The following TBC1D16 variants were observed in gnomAD, a reference collection of about 807,000 sequenced individuals.
The protein encoded by TBC1D16 is CTD-2529O21.1.
TBC1D16 carries 58 observed loss-of-function variants against 74.7 expected under a neutral mutation model. The ratio of observed to expected loss-of-function variants is 0.78; its 90% CI spans 0.63 to 0.97. The LOEUF is 0.97. Among genes scored for constraint, TBC1D16 ranks in the 50% least tolerant of loss-of-function variants. The pLI is 0.00. For synonymous variants in TBC1D16, 493 were observed against 474.7 expected, an observed-to-expected ratio of 1.04 and a Z score of -0.50; for missense variants, 1,014 against 1,079.5, an observed-to-expected ratio of 0.94 and a Z score of 0.85.
chr17:79,981,864 G>A lies in TBC1D16; in HGVS notation c.779+28296C>T, dbSNP rs2034596624. ...ACCTCAATCCCACTCCTCCAAGGGC[G>A]CGCCAGGGAACAGCAGGACGCGGCC... On this transcript the variant is annotated intron_variant, in intron 3 of 11. Transcript: ENST00000310924. The surrounding 1 kb of genome is among the most constrained non-coding windows in gnomAD (Gnocchi z 6.9). Among the ~76,000 whole-genome samples the A allele has an allele frequency of 6.6e-6, 1 of 152,234 alleles. No individual in the cohort carries two copies.
chr17:79,981,256 C>T lies in TBC1D16; in HGVS notation c.780-28438G>A, dbSNP rs934552567. Among the ~76,000 whole-genome samples the T allele has an allele frequency of 5.9e-5, 9 of 152,180 alleles. No homozygotes were observed. Among genetic ancestry groups the T allele is most frequent in the Non-Finnish European group, 1.5e-5 (1 of 68,042 alleles). On this transcript the variant is annotated intron_variant, in intron 3 of 11. Transcript: ENST00000310924. The surrounding 1 kb of genome is among the most constrained non-coding windows in gnomAD (Gnocchi z 6.9). ...TTCCGCACCAATGCACTGCTTGGCC[C>T]GGCTCAGAGGATTTGACGCAAACCA...
In TBC1D16 at chr17:80,035,249, T is replaced by C. The variant is rs201602128; in HGVS notation, c.-63+546A>G. Among the ~76,000 whole-genome samples the C allele has an allele frequency of 3.4e-4, 41 of 119,454 alleles. No individual in the cohort carries two copies. Among genetic ancestry groups the C allele is most frequent in the East Asian group, 1.4e-3 (6 of 4,200 alleles). 78.4% of individuals were successfully genotyped at this position (119,454 alleles called of 152,430 possible). On this transcript the variant is annotated intron_variant, in intron 1 of 11. Coordinates refer to ENST00000310924, the MANE Select transcript of TBC1D16 (RefSeq NM_019020.4). The surrounding 1 kb of genome is among the most constrained non-coding windows in gnomAD (Gnocchi z 5.3). ...TTCTTTCTTTTTCTTTTTTTTTTTT[T>C]CCCAAAGGAAAGAACAAGGGAGCCC...
intron 5 of TBC1D16, among the ~76,000 whole-genome samples, chr17:79,951,052 A>G (rs559876107): frequency 2.6e-5 from 4 of 152,298 alleles, no homozygotes; most frequent in East Asian, 1.9e-4. Context: ...ATGTAGGGGG[A>G]AAAAAAGCCA....
At chr17:79,978,565 G>A (rs1335367838) in intron 3 of TBC1D16, among the ~76,000 whole-genome samples, 1 of 152,218 alleles carries the variant, frequency 6.6e-6, no homozygotes, top group Non-Finnish European at 1.5e-5. Flanking sequence ...GTCATATGGA[G>A]TGACCTTGTG....
Position 79,979,534 on chromosome 17 carries a change from G to A in TBC1D16, c.780-26716C>T, listed in dbSNP as rs887512218. ...AAGACGTCCCTGTGTCATCTCTGCAGGACCAAACAGTCAATTAGTATCCAA... is the reference window on the plus strand; with the variant it reads ...AAGACGTCCCTGTGTCATCTCTGCAAGACCAAACAGTCAATTAGTATCCAA... On this transcript the variant is annotated intron_variant, in intron 3 of 11. Transcript: ENST00000310924. The surrounding 1 kb of genome is among the most constrained non-coding windows in gnomAD (Gnocchi z 4.8). 6.6e-6 allele frequency among the ~76,000 whole-genome samples: 1 copy of A among 152,174 alleles called. No individual in the cohort carries two copies. Among genetic ancestry groups the A allele is most frequent in the South Asian group, 2.1e-4 (1 of 4,828 alleles).
At chr17:79,976,936 C>A (rs970229456) in intron 3 of TBC1D16, among the ~76,000 whole-genome samples, 1 of 152,198 alleles carries the variant, frequency 6.6e-6, no homozygotes, top group Non-Finnish European at 1.5e-5. Context: ...GCCTGCCCTG[C>A]AGAAGGCTAC....
chr17:80,013,316 G>A (rs749422153), intron 2 of TBC1D16, 51 bp downstream of exon 2: 113 of 1,529,760 alleles, frequency 7.4e-5, no homozygotes, highest in Middle Eastern at 2.2e-4. Flanking sequence ...GCCCTGGCTC[G>A]GAAAATAACC....
chr17:79,969,748 C>A (rs1425653451), intron 3 of TBC1D16, among the ~76,000 whole-genome samples: 1 of 152,088 alleles, frequency 6.6e-6, no homozygotes, highest in Non-Finnish European at 1.5e-5. Context: ...TCGAGACCAG[C>A]CTGCCCAATA....
intron 3 of TBC1D16, among the ~76,000 whole-genome samples, chr17:79,959,140 T>G (rs138773574): frequency 6.6e-4 from 100 of 152,246 alleles, no homozygotes; most frequent in African/African-American, 2.2e-3. Context: ...AACATTAAAT[T>G]TATAGTAGCA....
At position 79,990,074 on chromosome 17, in the gene TBC1D16, A is replaced by T. The variant is rs1167388133; in HGVS notation, c.779+20086T>A. On this transcript the variant is annotated intron_variant, in intron 3 of 11. Transcript: ENST00000310924. The surrounding 1 kb of genome is among the most constrained non-coding windows in gnomAD (Gnocchi z 4.8). ...TAGGTAAAGTGTTACTTCCTGATCT[A>T]ATCTTGCCAGGCTCTGGAAGCTTCC... 6.6e-6 allele frequency among the ~76,000 whole-genome samples: 1 copy of T among 152,184 alleles called. No individual in the cohort carries two copies. The highest frequency in any genetic ancestry group is 1.5e-5 in the Non-Finnish European group (1 of 68,014).
rs71163906 is a variant in TBC1D16, at chr17:79,999,533, C to CTTT, written c.779+10624_779+10626dup. Among the ~76,000 whole-genome samples the CTTT allele has an allele frequency of 3.5e-3, 266 of 76,494 alleles. 25 individuals are homozygous for CTTT. Among genetic ancestry groups the CTTT allele is most frequent in the Non-Finnish European group, 4.9e-3 (196 of 39,660 alleles). The allele number at this position is 76,494 out of a possible 152,430, so 50.2% of individuals were successfully genotyped here. On this transcript the variant is annotated intron_variant, in intron 3 of 11. Coordinates refer to ENST00000310924, the MANE Select transcript of TBC1D16 (RefSeq NM_019020.4). ...TCCCTTCTGCCTTTCCCCCAAATTT[C>CTTT]TTTTTTTTTTTTTTTTTTTTTTTTT... is the stretch of plus-strand genomic sequence containing the variant.
At chr17:79,942,311 G>A (rs1219894478) in intron 10 of TBC1D16, 105 bp from the exon 11 acceptor site, 1 of 1,271,864 alleles carries the variant, frequency 7.9e-7, no homozygotes, top group Non-Finnish European at 1.1e-6. Context: ...CCAGGGCGAG[G>A]GGTCTGGGCT....
chr17:80,024,984 CCACACTCTACACA>C (rs2036501399), intron 1 of TBC1D16, among the ~76,000 whole-genome samples: 1 of 128,664 alleles, frequency 7.8e-6, no homozygotes. Context: ...TAGGCACACA[CCACACTCTACACA>C]CACACCATAG....
At chr17:80,018,282 A>T (rs1213373039) in intron 1 of TBC1D16, among the ~76,000 whole-genome samples, 13 of 135,570 alleles carry the variant, frequency 9.6e-5, no homozygotes, top group Non-Finnish European at 1.6e-4. Flanking sequence ...TTATTTCTTT[A>T]TTTTTTTTTT....
intron 1 of TBC1D16, among the ~76,000 whole-genome samples, chr17:80,020,539 G>A (rs2143088911): frequency 6.7e-6 from 1 of 149,344 alleles, no homozygotes; most frequent in Non-Finnish European, 1.5e-5. Flanking sequence ...GAGCTGAGAT[G>A]GCGCCACTGC....
chr17:80,019,812 T>C (rs2036223615), intron 1 of TBC1D16, among the ~76,000 whole-genome samples: 1 of 149,822 alleles, frequency 6.7e-6, no homozygotes, highest in African/African-American at 2.6e-5. Context: ...ACCCACTCCT[T>C]GGAATTATAT....
At position 79,954,883 on chromosome 17, in the gene TBC1D16, C is replaced by A. The variant is rs150303763; in HGVS notation, c.780-2065G>T. Among the ~76,000 whole-genome samples, 157 of 152,304 alleles carry A rather than the reference C, an allele frequency of 1.0e-3. No homozygotes were observed. The highest frequency in any genetic ancestry group is 3.7e-3 in the African/African-American group (154 of 41,560). Reference sequence around the variant, plus strand: ...CTTGTTCCTCCCAGCACACTGTGGCCCACTCACCCTACAGGGCAGGCCAAG... The same window carrying A: ...CTTGTTCCTCCCAGCACACTGTGGCACACTCACCCTACAGGGCAGGCCAAG... On this transcript the variant is annotated intron_variant, in intron 3 of 11. Transcript: ENST00000310924. This position sits in a 1 kb window ranked among gnomAD's most constrained non-coding sequence, Gnocchi z 5.5.
rs1271392720 is a variant in TBC1D16, at chr17:79,941,305, A to G, written c.2056-198T>C. On this transcript the variant is annotated intron_variant, in intron 11 of 11. Coordinates refer to ENST00000310924, the MANE Select transcript of TBC1D16 (RefSeq NM_019020.4). This position sits in a 1 kb window ranked among gnomAD's most constrained non-coding sequence, Gnocchi z 4.3. Reference sequence around the variant, plus strand: ...GGGGCCCTGGGTCTTAGGTGGCTGCAGTGATGGGACCCACAAGGCACTCGG... The same window carrying G: ...GGGGCCCTGGGTCTTAGGTGGCTGCGGTGATGGGACCCACAAGGCACTCGG... 6.6e-6 allele frequency among the ~76,000 whole-genome samples: 1 copy of G among 152,144 alleles called. No individual in the cohort carries two copies. The highest frequency in any genetic ancestry group is 2.4e-5 in the African/African-American group (1 of 41,434).
Position 80,010,167 on chromosome 17 carries a change from C to A in TBC1D16, c.772G>T (p.Asp258Tyr). The A allele has an allele frequency of 1.2e-6, 2 of 1,609,324 alleles. No individual in the cohort carries two copies. The highest frequency in any genetic ancestry group is 2.2e-5 in the South Asian group (2 of 90,598). Residue 258 changes from aspartate (D) to tyrosine (Y), a missense_variant, in exon 3 of 12, where the codon GAC (aspartate) becomes TAC (tyrosine). Coordinates refer to ENST00000310924, the MANE Select transcript of TBC1D16 (RefSeq NM_019020.4). The surrounding 1 kb of genome is among the most constrained non-coding windows in gnomAD (Gnocchi z 8.8). Reference protein sequence around the residue: ...ESRGSVFLESDSSPPSSSDAG... With the variant: ...ESRGSVFLESYSSPPSSSDAG... ...CCAGAACCAGGAACTCACCTGCTGT[C>A]ACTTTCCAGAAACACGGAGCCGCGG...
Sources: allele counts gnomAD v4.1 joint callset (sites outside exome capture counted in the v4.1 genomes callset), GRCh38; gene constraint gnomAD v4.1.1; non-coding constraint Gnocchi (gnomAD v3.1); transcripts MANE v1.5; gene names NCBI Gene and HGNC (gene_info 2026-07-23, HGNC 2026-07-21).